UBAP1: variants seen among roughly 807,000 people sequenced by gnomAD.
The protein encoded by UBAP1 is ubiquitin associated protein 1.
UBAP1 carries 5 observed loss-of-function variants against 39.0 expected under a neutral mutation model. The ratio of observed to expected loss-of-function variants is 0.13; its 90% CI spans 0.07 to 0.27. UBAP1 has a LOEUF of 0.27. Among genes scored for constraint, UBAP1 ranks in the 10% least tolerant of loss-of-function variants. The pLI, the probability that UBAP1 is intolerant of heterozygous loss-of-function variation, is 1.00. For synonymous variants in UBAP1, 211 were observed against 225.1 expected, an observed-to-expected ratio of 0.94 and a Z score of 0.56; for missense variants, 490 against 608.1, an observed-to-expected ratio of 0.81 and a Z score of 2.04.
In UBAP1 at chr9:34,179,086, C is replaced by T. The variant is rs1363706130; in HGVS notation, c.-162C>T. 2 of 1,278,362 alleles carry T rather than the reference C, an allele frequency of 1.6e-6. No individual in the cohort carries two copies. Among genetic ancestry groups the T allele is most frequent in the African/African-American group, 3.1e-5 (2 of 65,190 alleles). 79.2% of individuals were successfully genotyped at this position (1,278,362 alleles called of 1,614,324 possible). On this transcript the variant is annotated 5_prime_UTR_variant, in exon 1 of 7. Coordinates refer to ENST00000297661, the MANE Select transcript of UBAP1 (RefSeq NM_016525.5). ...ATGGCGGCTGCGGCACTGGCGGTGG[C>T]TACGGTGACGGCCTGGCCCGGAGCG... is the stretch of plus-strand genomic sequence containing the variant.
At chr9:34,197,341 C>T (rs1255769547) in intron 1 of UBAP1, among the ~76,000 whole-genome samples, 3 of 149,654 alleles carry the variant, frequency 2.0e-5, no homozygotes, top group African/African-American at 7.4e-5. Context: ...AGACGGGTTT[C>T]ACTATGTTGT....
intron 2 of UBAP1, among the ~76,000 whole-genome samples, chr9:34,223,548 G>A (rs1233290021): frequency 6.6e-6 from 1 of 152,144 alleles, no homozygotes; most frequent in Admixed American, 6.5e-5. Flanking sequence ...TCTGCCTCCT[G>A]GGCTCACGCC....
rs200643090 is a variant in UBAP1, at chr9:34,212,542, TATC to T, written c.-7-8365_-7-8363del. On this transcript the variant is annotated intron_variant, in intron 1 of 6. Coordinates refer to ENST00000297661, the MANE Select transcript of UBAP1 (RefSeq NM_016525.5). ...GACACTCTTAGTGCCATCACAACGT[TATC>T]TTCTGGATTTTCCATTATTTAATCA... Among the ~76,000 whole-genome samples, 1,207 of 152,284 alleles carry T rather than the reference TATC, an allele frequency of 7.9e-3. 12 individuals are homozygous for T. The highest frequency in any genetic ancestry group is 0.013 in the Non-Finnish European group (918 of 68,012).
intron 1 of UBAP1, among the ~76,000 whole-genome samples, chr9:34,215,539 GT>G (rs1439300171): frequency 7.2e-6 from 1 of 138,266 alleles, no homozygotes; most frequent in Non-Finnish European, 1.6e-5. Flanking sequence ...GGGGGGAAGG[GT>G]TGGAGGGGGG....
chr9:34,239,695 TCTGCAAGCCTC>T (rs1222266694), intron 3 of UBAP1, among the ~76,000 whole-genome samples: 2 of 152,126 alleles, frequency 1.3e-5, no homozygotes, highest in African/African-American at 2.4e-5. Flanking sequence ...TTTTTTAACT[TCTGCAAGCCTC>T]AATTTCTTCA....
At chr9:34,217,143 A>G (rs1428782150) in intron 1 of UBAP1, among the ~76,000 whole-genome samples, 1 of 152,136 alleles carries the variant, frequency 6.6e-6, no homozygotes. Context: ...CTCCACAGTC[A>G]GAAGTTCTTT....
In UBAP1 at chr9:34,237,819, C is replaced by T. The variant is rs1402852623; in HGVS notation, c.160-3366C>T. ...CTGGCCTCAAGTGATCTGCCCACCT[C>T]AGCCTCCCAAAGTGCTGGGATTACA... On this transcript the variant is annotated intron_variant, in intron 3 of 6. Transcript: ENST00000297661. Among the ~76,000 whole-genome samples, 4 of 152,204 alleles carry T rather than the reference C, an allele frequency of 2.6e-5. 1 individual carries two copies. The highest frequency in any genetic ancestry group is 9.7e-5 in the African/African-American group (4 of 41,438).
chr9:34,204,993 T>C (rs866770764), intron 1 of UBAP1, among the ~76,000 whole-genome samples: 1 of 152,126 alleles, frequency 6.6e-6, no homozygotes, highest in Non-Finnish European at 1.5e-5. Flanking sequence ...AATTTCTGAT[T>C]GGCTAATGCT....
At chr9:34,226,817 G>A (rs1425314745) in intron 2 of UBAP1, among the ~76,000 whole-genome samples, 3 of 151,688 alleles carry the variant, frequency 2.0e-5, no homozygotes, top group Admixed American at 1.3e-4. Flanking sequence ...TATTGTCTTC[G>A]GATTAGCATA....
intron 2 of UBAP1, among the ~76,000 whole-genome samples, chr9:34,222,180 T>C (rs1208559586): frequency 2.0e-5 from 3 of 152,138 alleles, no homozygotes; most frequent in Admixed American, 2.0e-4. Context: ...CTAGACTGCC[T>C]GGGGACGTGT....
rs919760906 is a variant in UBAP1 at position 34,195,600 on chromosome 9, T to C, written c.-8+16360T>C. On this transcript the variant is annotated intron_variant, in intron 1 of 6. Transcript: ENST00000297661. ...GACTGTAGAGCCTTTGGATTTTTCT[T>C]TTTTTTTTTTTTCTGAGACGGAGTT... Among the ~76,000 whole-genome samples, 23 of 148,580 alleles carry C rather than the reference T, an allele frequency of 1.5e-4. No homozygotes were observed. The Middle Eastern group carries it at 0.01, about 68-fold the overall frequency.
At chr9:34,230,658 T>C (rs1487935603) in intron 2 of UBAP1, among the ~76,000 whole-genome samples, 5 of 152,154 alleles carry the variant, frequency 3.3e-5, no homozygotes, top group African/African-American at 7.2e-5. Context: ...ATAAGTGCCA[T>C]AGAGTTTAAG....
At chr9:34,211,772 C>T (rs1194575848) in intron 1 of UBAP1, among the ~76,000 whole-genome samples, 2 of 151,960 alleles carry the variant, frequency 1.3e-5, no homozygotes, top group African/African-American at 4.8e-5. Context: ...ATTCTGGCTC[C>T]TCCTTCTCTC....
chr9:34,248,354 T>G (rs973764697), intron 4 of UBAP1, among the ~76,000 whole-genome samples: 2 of 152,156 alleles, frequency 1.3e-5, no homozygotes, highest in African/African-American at 4.8e-5. Flanking sequence ...TTATTAACAT[T>G]TGTAATGTGC....
chr9:34,184,630 GAA>G (rs560379399), intron 1 of UBAP1, among the ~76,000 whole-genome samples: 3 of 94,426 alleles, frequency 3.2e-5, no homozygotes, highest in Non-Finnish European at 4.4e-5. Flanking sequence ...GACTCCGTCT[GAA>G]AAAAAAAAAA....
At chr9:34,182,647 CTTTCTTTCTTTCTTTCTTTCTT>C (rs1830124394) in intron 1 of UBAP1, among the ~76,000 whole-genome samples, 2 of 60,996 alleles carry the variant, frequency 3.3e-5, no homozygotes, top group Admixed American at 4.3e-4. Context: ...TTCTTTCTTT[CTTTCTTTCTTTCTTTCTTTCTT>C]TCTTTCTTTC....
At chr9:34,229,352 GGTT>G (rs1563913328) in intron 2 of UBAP1, among the ~76,000 whole-genome samples, 2 of 151,812 alleles carry the variant, frequency 1.3e-5, no homozygotes, top group African/African-American at 4.8e-5. Flanking sequence ...CTGCATCCCA[GGTT>G]CAAGCGATTC....
intron 1 of UBAP1, among the ~76,000 whole-genome samples, chr9:34,218,016 G>T (rs527982683): frequency 8.1e-4 from 122 of 150,976 alleles, no homozygotes; most frequent in Middle Eastern, 3.4e-3. Flanking sequence ...ACTTTGGGAG[G>T]CCGAGGCGGG....
chr9:34,217,122 C>T (rs1304013766), intron 1 of UBAP1, among the ~76,000 whole-genome samples: 1 of 152,120 alleles, frequency 6.6e-6, no homozygotes, highest in African/African-American at 2.4e-5. Flanking sequence ...AAATATTCCA[C>T]ATCTGTGATT....
Sources: gnomAD v4.1 joint callset for allele counts (sites outside exome capture counted in the v4.1 genomes callset) on GRCh38, gnomAD v4.1.1 for gene constraint, MANE v1.5 for transcripts, NCBI Gene and HGNC (gene_info 2026-07-23, HGNC 2026-07-21) for gene names.